Variants in RARB observed in about 807,000 individuals in gnomAD.
RARB encodes the protein retinoic acid receptor beta, also known as HBV-activated protein.
In RARB, 17 loss-of-function variants were observed where a neutral mutation model predicts 51.9. That is an observed-to-expected ratio of 0.33 (90% CI 0.22 to 0.49). RARB has a LOEUF of 0.49. Ranked by LOEUF, RARB falls within the 20% of genes least tolerant of loss-of-function variation. RARB has a pLI of 0.99. For missense variants in RARB, 369 were observed against 550.8 expected (o/e 0.67, Z 3.30); for synonymous variants, 215 against 195.4 (o/e 1.10, Z -0.84).
Position 25,575,378 on chromosome 3 carries a change from C to T in RARB, c.610-5168C>T, listed in dbSNP as rs572126636. On this transcript the variant is annotated intron_variant, in intron 4 of 7. Transcript: ENST00000330688. ...TTCATGTTGCAACAAACAATGACTG[C>T]ATACCTACTGTGTTAGTTTCCTAGG... 2.0e-5 allele frequency among the ~76,000 whole-genome samples: 3 copies of T among 152,198 alleles called. No homozygotes were observed. The South Asian group carries it at 6.2e-4, about 31-fold the overall frequency.
chr3:25,140,723 G>T (rs1700094847), intron 4 of RARB, among the ~76,000 whole-genome samples: 1 of 152,132 alleles, frequency 6.6e-6, no homozygotes, highest in Admixed American at 6.6e-5. Flanking sequence ...AAACAGCATT[G>T]CATGTTACAG....
chr3:25,197,150 T>C (rs1050725753), intron 5 of RARB, among the ~76,000 whole-genome samples: 2 of 152,196 alleles, frequency 1.3e-5, no homozygotes, highest in Non-Finnish European at 2.9e-5. Flanking sequence ...CCCATGCCTA[T>C]GTCCTGAATG....
At chr3:25,473,692 A>C (rs1327928003) in intron 2 of RARB, among the ~76,000 whole-genome samples, 2 of 152,126 alleles carry the variant, frequency 1.3e-5, no homozygotes, top group Non-Finnish European at 2.9e-5. Flanking sequence ...AAGATGTATG[A>C]GAAGGCATAT....
At chr3:25,099,693 G>T (rs192994857) in intron 3 of RARB, among the ~76,000 whole-genome samples, 80 of 150,992 alleles carry the variant, frequency 5.3e-4, no homozygotes, top group Non-Finnish European at 8.7e-4. Context: ...CTTGATGTCA[G>T]TCTGTCCATG....
chr3:25,110,560 G>A (rs746292110), intron 3 of RARB, among the ~76,000 whole-genome samples: 7 of 152,298 alleles, frequency 4.6e-5, no homozygotes, highest in Non-Finnish European at 7.4e-5. Context: ...ACAAGGAAAC[G>A]AAGTGCCAGT....
intron 5 of RARB, among the ~76,000 whole-genome samples, chr3:25,274,019 C>G (rs1488561521): frequency 1.3e-5 from 2 of 152,172 alleles, no homozygotes; most frequent in Non-Finnish European, 2.9e-5. Flanking sequence ...GGTTCTCACT[C>G]TCAACTTTGC....
intron 2 of RARB, among the ~76,000 whole-genome samples, chr3:25,050,767 A>T (rs1380963143): frequency 6.6e-6 from 1 of 152,224 alleles, no homozygotes; most frequent in Non-Finnish European, 1.5e-5. Context: ...TCTCCAATAT[A>T]GTTATATCAT....
rs1171133293 is a variant in RARB, at chr3:25,309,129, ATTTTTTTTTTTTT to A, written c.178+134569_178+134581del. On this transcript the variant is annotated intron_variant, in intron 5 of 11. Transcript: ENST00000383772. ...TCATTTCTGCGTGGACTGTGCCTCCATTTTTTTTTTTTTTTTTTTTTTTTTTTGAGATGGAGTC... is the reference window on the plus strand; with the variant it reads ...TCATTTCTGCGTGGACTGTGCCTCCATTTTTTTTTTTTTTGAGATGGAGTC... 3.2e-5 allele frequency among the ~76,000 whole-genome samples: 3 copies of A among 93,008 alleles called. No individual in the cohort carries two copies. In the Admixed American group the frequency reaches 3.4e-4, roughly 11 times the overall value. 61.0% of individuals were successfully genotyped at this position (93,008 alleles called of 152,430 possible). A position where few individuals can be genotyped will look rare whatever the true frequency, so the allele number is the denominator to read the frequency against.
At chr3:24,962,374 T>C (rs1391648752) in intron 2 of RARB, among the ~76,000 whole-genome samples, 1 of 152,168 alleles carries the variant, frequency 6.6e-6, no homozygotes, top group African/African-American at 2.4e-5. Context: ...TGTCCTCTAC[T>C]CACTAGATGC....
rs72136020 is a variant in RARB at position 25,161,178 on chromosome 3, A to AATT, written c.-279-12904_-279-12902dup. 2.6e-3 allele frequency among the ~76,000 whole-genome samples: 373 copies of AATT among 142,348 alleles called. 2 individuals are homozygous for AATT. The highest frequency in any genetic ancestry group is 4.9e-3 in the South Asian group (21 of 4,318). 93.4% of individuals were successfully genotyped at this position (142,348 alleles called of 152,430 possible). On this transcript the variant is annotated intron_variant, in intron 4 of 11. Transcript: ENST00000383772. ...CAGGCACCCACCACCATGCCCAGCT[A>AATT]ATTATTATTATTATTATTATTATTA...
At chr3:25,540,832 A>G (rs190212835) in intron 3 of RARB, among the ~76,000 whole-genome samples, 1 of 152,060 alleles carries the variant, frequency 6.6e-6, no homozygotes, top group African/African-American at 2.4e-5. Flanking sequence ...GGAAGAAATC[A>G]CTCCTACTAG....
intron 2 of RARB, among the ~76,000 whole-genome samples, chr3:25,042,892 ACT>A (rs74852349): frequency 1.2e-3 from 188 of 151,232 alleles, no homozygotes; most frequent in Non-Finnish European, 2.4e-3. Flanking sequence ...CCACTTTTCT[ACT>A]CTCTCCTTTT....
chr3:25,062,868 A>G (rs1698578538), intron 3 of RARB, among the ~76,000 whole-genome samples: 1 of 151,998 alleles, frequency 6.6e-6, no homozygotes, highest in Admixed American at 6.6e-5. Context: ...AAAATTCTGT[A>G]AATACATGGG....
At chr3:25,328,905 C>T (rs1219035390) in intron 5 of RARB, among the ~76,000 whole-genome samples, 2 of 152,206 alleles carry the variant, frequency 1.3e-5, no homozygotes, top group East Asian at 3.9e-4. Flanking sequence ...GGGTCCCACA[C>T]CCACAGAGCC....
At chr3:25,211,979 C>T (rs538872820) in intron 5 of RARB, among the ~76,000 whole-genome samples, 1 of 152,214 alleles carries the variant, frequency 6.6e-6, no homozygotes, top group East Asian at 1.9e-4. Flanking sequence ...AATATAAGGT[C>T]TATCTGAAGG....
intron 5 of RARB, among the ~76,000 whole-genome samples, chr3:25,218,448 T>C (rs549104352): frequency 2.0e-5 from 3 of 152,316 alleles, no homozygotes; most frequent in Middle Eastern, 3.4e-3. Context: ...AGTGTCATTG[T>C]AAAATAGAAA....
intron 5 of RARB, among the ~76,000 whole-genome samples, chr3:25,179,689 A>G (rs1045517423): frequency 9.2e-5 from 14 of 152,204 alleles, no homozygotes; most frequent in African/African-American, 3.1e-4. Flanking sequence ...TACTGTTGAC[A>G]TGATGAAACT....
At chr3:25,135,188 G>A (rs1160156633) in intron 4 of RARB, among the ~76,000 whole-genome samples, 1 of 151,826 alleles carries the variant, frequency 6.6e-6, no homozygotes, top group East Asian at 1.9e-4. Context: ...CACTAGCCAG[G>A]TGTGGCTATT....
Position 24,864,394 on chromosome 3 carries a change from C to T in RARB, c.-380+5642C>T, listed in dbSNP as rs1202381215. On this transcript the variant is annotated intron_variant, in intron 2 of 11. Transcript: ENST00000383772. The stretch of plus-strand genomic sequence containing the variant: ...TCCAGTGTTGGTAGGCCTCTGGATA[C>T]TTCCCTGGCTCTCTTCCTTGCTTAG... Among the ~76,000 whole-genome samples, 3 of 152,188 alleles carry T rather than the reference C, an allele frequency of 2.0e-5. 1 individual carries two copies. Among genetic ancestry groups the T allele is most frequent in the Non-Finnish European group, 4.4e-5 (3 of 68,030 alleles).
Sources: allele counts gnomAD v4.1 joint callset (sites outside exome capture counted in the v4.1 genomes callset), GRCh38; gene constraint gnomAD v4.1.1; transcripts MANE v1.5; gene names NCBI Gene and HGNC (gene_info 2026-07-23, HGNC 2026-07-21).